CCDC91: variants seen among roughly 807,000 people sequenced by gnomAD.
The protein encoded by CCDC91 is coiled-coil domain containing 91.
CCDC91 carries 48 observed loss-of-function variants against 63.2 expected under a neutral mutation model. The ratio of observed to expected loss-of-function variants is 0.76; its 90% confidence interval spans 0.60 to 0.97. CCDC91 has a LOEUF of 0.97. Ranked by LOEUF, CCDC91 falls within the 50% of genes least tolerant of loss-of-function variation. The pLI is 0.00. For missense variants in CCDC91, 500 were observed against 494.6 expected (o/e 1.01, Z -0.10); for synonymous variants, 167 against 165.8 (o/e 1.01, Z -0.06).
chr12:28,512,943 G>T (rs1177760278), intron 12 of CCDC91, among the ~76,000 whole-genome samples: 1 of 151,820 alleles, frequency 6.6e-6, no homozygotes, highest in Non-Finnish European at 1.5e-5. Flanking sequence ...CCTCCCTCAT[G>T]CTGTACTTCT....
intron 8 of CCDC91, among the ~76,000 whole-genome samples, chr12:28,405,883 T>C (rs984583350): frequency 2.0e-5 from 3 of 152,166 alleles, no homozygotes; most frequent in African/African-American, 7.2e-5. Flanking sequence ...TGTAGATAAA[T>C]AAACATATGC....
Position 28,434,594 on chromosome 12 carries a change from GTTTTTTTTTTTTTTT to G in CCDC91, c.763-15556_763-15542del, listed in dbSNP as rs376645678. 5.4e-5 allele frequency among the ~76,000 whole-genome samples: 4 copies of G among 73,436 alleles called. No homozygotes were observed. The Admixed American group carries it at 7.6e-4, about 14-fold the overall frequency. 48.2% of individuals were successfully genotyped at this position (73,436 alleles called of 152,430 possible). On this transcript the variant is annotated intron_variant, in intron 8 of 12. Transcript: ENST00000536442. ...TTATTAGGCCTTAGGCCTTGGTCTG[GTTTTTTTTTTTTTTT>G]TTTTTTTTTTGATTGGGGGGTGGGT...
At chr12:28,433,711 T>C (rs1482864228) in intron 8 of CCDC91, among the ~76,000 whole-genome samples, 1 of 152,000 alleles carries the variant, frequency 6.6e-6, no homozygotes, top group East Asian at 1.9e-4. Context: ...CCCTGTAATC[T>C]TTAGAATCAG....
At chr12:28,237,047 G>C (rs967453969) in intron 1 of CCDC91, among the ~76,000 whole-genome samples, 4 of 151,918 alleles carry the variant, frequency 2.6e-5, no homozygotes, top group Admixed American at 6.6e-5. Context: ...ATACAAGTAA[G>C]GTAGTGTATG....
intron 2 of CCDC91, among the ~76,000 whole-genome samples, chr12:28,258,304 T>C (rs1456110125): frequency 8.1e-6 from 1 of 123,226 alleles, no homozygotes; most frequent in Admixed American, 8.3e-5. Context: ...AAAATGTATG[T>C]TTCAGATATC....
intron 11 of CCDC91, among the ~76,000 whole-genome samples, chr12:28,473,132 A>G (rs1411535309): frequency 6.6e-6 from 1 of 152,176 alleles, no homozygotes; most frequent in Non-Finnish European, 1.5e-5. Flanking sequence ...AACAAAAGCT[A>G]ATGTCTTAAG....
intron 12 of CCDC91, among the ~76,000 whole-genome samples, chr12:28,546,758 G>A (rs1332316406): frequency 1.3e-5 from 2 of 151,644 alleles, no homozygotes; most frequent in Non-Finnish European, 2.9e-5. Flanking sequence ...AAAAAAACAA[G>A]AGACACTGAT....
At chr12:28,300,594 C>G (rs1261642805) in intron 3 of CCDC91, among the ~76,000 whole-genome samples, 5 of 151,380 alleles carry the variant, frequency 3.3e-5, no homozygotes, top group Non-Finnish European at 7.4e-5. Context: ...TAGGGTTGTT[C>G]TGTTCTCTCA....
intron 12 of CCDC91, among the ~76,000 whole-genome samples, chr12:28,495,688 G>A (rs369969738): frequency 1.2e-4 from 18 of 151,624 alleles, no homozygotes; most frequent in Non-Finnish European, 1.3e-4. Context: ...ATTTAGCATC[G>A]TGAGACTTTA....
intron 3 of CCDC91, among the ~76,000 whole-genome samples, chr12:28,260,818 G>A (rs1946774270): frequency 1.3e-5 from 2 of 151,934 alleles, no homozygotes; most frequent in African/African-American, 4.8e-5. Context: ...GCATGGCATT[G>A]GAAATGGATA....
chr12:28,369,252 G>T (rs1388988486), intron 7 of CCDC91, among the ~76,000 whole-genome samples: 2 of 152,132 alleles, frequency 1.3e-5, no homozygotes, highest in Non-Finnish European at 2.9e-5. Flanking sequence ...ACAGGCATTG[G>T]TAAATGCTCC....
At chr12:28,350,754 C>T (rs1163278268) in intron 6 of CCDC91, among the ~76,000 whole-genome samples, 11 of 152,184 alleles carry the variant, frequency 7.2e-5, no homozygotes, top group East Asian at 3.8e-4. Context: ...TCTCATGGCA[C>T]GTGACATTTA....
At chr12:28,478,645 C>CA in intron 11 of CCDC91, among the ~76,000 whole-genome samples, 1 of 152,242 alleles carries the variant, frequency 6.6e-6, no homozygotes, top group Middle Eastern at 3.4e-3. Context: ...TTCTGCACAG[C>CA]AAAAGAAACT....
At chr12:28,212,825 A>G (rs1247096610) in intron 1 of CCDC91, among the ~76,000 whole-genome samples, 2 of 152,190 alleles carry the variant, frequency 1.3e-5, no homozygotes, top group Non-Finnish European at 2.9e-5. Flanking sequence ...GTATGTTGAG[A>G]AGCAAAATTC....
chr12:28,421,911 G>T (rs966576491), intron 8 of CCDC91, among the ~76,000 whole-genome samples: 4 of 151,954 alleles, frequency 2.6e-5, no homozygotes, highest in African/African-American at 9.7e-5. Context: ...TTGTAAATTT[G>T]TCTTTATTTG....
At chr12:28,335,795 T>G (rs150531459) in intron 6 of CCDC91, among the ~76,000 whole-genome samples, 115 of 152,160 alleles carry the variant, frequency 7.6e-4, no homozygotes, top group Non-Finnish European at 1.4e-3. Context: ...TTATCTCCCC[T>G]TTTTTTCTCA....
chr12:28,441,076 A>G (rs1359277669), intron 8 of CCDC91, among the ~76,000 whole-genome samples: 615 of 20,732 alleles, frequency 0.03, 7 homozygotes, highest in Non-Finnish European at 0.058. Flanking sequence ...AAAAAAAAAA[A>G]AAAAAAAAGA....
At chr12:28,244,201 A>AT (rs1406869833) in intron 1 of CCDC91, among the ~76,000 whole-genome samples, 3 of 152,232 alleles carry the variant, frequency 2.0e-5, no homozygotes, top group Non-Finnish European at 4.4e-5. Context: ...AAATCATTTG[A>AT]TAATCAGCAT....
At chr12:28,304,577 A>G (rs936031112) in intron 3 of CCDC91, 2 of 668,766 alleles carry the variant, frequency 3.0e-6, no homozygotes, top group Non-Finnish European at 4.4e-6. Context: ...AAATTGATGT[A>G]TTTGTTATTT....
Sources: gnomAD v4.1 joint callset for allele counts (sites outside exome capture counted in the v4.1 genomes callset) on GRCh38, gnomAD v4.1.1 for gene constraint, MANE v1.5 for transcripts, NCBI Gene and HGNC (gene_info 2026-07-23, HGNC 2026-07-21) for gene names.